Variants in RIN3 observed in about 807,000 individuals in gnomAD.
RIN3 encodes the protein RAB5 interacting protein 3.
RIN3 carries 54 observed loss-of-function variants against 76.3 expected under a neutral mutation model. That is an observed-to-expected ratio of 0.71 (90% CI 0.57 to 0.89). The LOEUF (loss-of-function observed/expected upper bound fraction) is 0.89. Ranked by LOEUF, RIN3 falls within the 40% of genes least tolerant of loss-of-function variation. RIN3 has a pLI of 0.00. For synonymous variants in RIN3, 576 were observed against 564.0 expected (o/e 1.02, Z -0.30); for missense variants, 1,256 against 1,322.1 (o/e 0.95, Z 0.78).
At position 92,676,608 on chromosome 14, in the gene RIN3, TGAGTCACCACCCCCTGCCCATCAG is replaced by T; in HGVS notation, c.2467+4_2467+27del. ...ACCCCGCCCTGCAGCTGGGGGAGGGTGAGTCACCACCCCCTGCCCATCAGGTGCATTGCACACCCCCAACTCAGC... is the reference window on the plus strand; with the variant it reads ...ACCCCGCCCTGCAGCTGGGGGAGGGTGTGCATTGCACACCCCCAACTCAGC... On this transcript the variant is annotated splice_donor_5th_base_variant and intron_variant, in intron 8 of 9. Transcript: ENST00000216487. 1 of 1,611,946 alleles carries T rather than the reference TGAGTCACCACCCCCTGCCCATCAG, an allele frequency of 6.2e-7. No homozygotes were observed. Among genetic ancestry groups the T allele is most frequent in the East Asian group, 2.2e-5 (1 of 44,798 alleles).
At chr14:92,664,416 G>A (rs1168856154) in intron 7 of RIN3, among the ~76,000 whole-genome samples, 4 of 127,438 alleles carry the variant, frequency 3.1e-5, no homozygotes, top group African/African-American at 1.2e-4. Context: ...CGCCCAGGCT[G>A]GAGTGCAGTG....
At chr14:92,621,235 C>CAAAAAAAAAA (rs572318532) in intron 4 of RIN3, among the ~76,000 whole-genome samples, 5,600 of 70,518 alleles carry the variant, frequency 0.079, 1,033 homozygotes, top group Non-Finnish European at 0.098. Context: ...GACTCCGTCT[C>CAAAAAAAAAA]AAAAAAAAAA....
chr14:92,520,627 A>G (rs945633200), intron 1 of RIN3, among the ~76,000 whole-genome samples: 2 of 152,166 alleles, frequency 1.3e-5, no homozygotes, highest in Non-Finnish European at 2.9e-5. Flanking sequence ...GACAGAGGGC[A>G]CCCCAACAGT....
intron 1 of RIN3, among the ~76,000 whole-genome samples, chr14:92,552,202 C>G (rs1468140810): frequency 6.6e-6 from 1 of 152,236 alleles, no homozygotes; most frequent in Admixed American, 6.5e-5. Context: ...GATCACAAGA[C>G]AGTGAGATGT....
chr14:92,528,598 G>C (rs1361193816), intron 1 of RIN3, among the ~76,000 whole-genome samples: 1 of 152,224 alleles, frequency 6.6e-6, no homozygotes, highest in Non-Finnish European at 1.5e-5. Context: ...TGGACGGCAT[G>C]ATCATCTGGG....
intron 7 of RIN3, among the ~76,000 whole-genome samples, chr14:92,662,202 T>G (rs923835551): frequency 6.6e-6 from 1 of 152,176 alleles, no homozygotes; most frequent in African/African-American, 2.4e-5. Flanking sequence ...TCTCAAGCCT[T>G]CTCAGAGAGA....
chr14:92,544,022 C>G (rs1269765325), intron 1 of RIN3, among the ~76,000 whole-genome samples: 6 of 152,108 alleles, frequency 3.9e-5, no homozygotes, highest in Non-Finnish European at 8.8e-5. Flanking sequence ...CCTCCCCACC[C>G]CCCCATCTCA....
At chr14:92,528,239 C>G (rs1044695063) in intron 1 of RIN3, among the ~76,000 whole-genome samples, 5 of 151,928 alleles carry the variant, frequency 3.3e-5, no homozygotes, top group Admixed American at 6.5e-5. Context: ...CCTTTATTCC[C>G]TCCCACCGCC....
intron 6 of RIN3, among the ~76,000 whole-genome samples, 185 bp downstream of exon 6, chr14:92,653,260 C>A (rs537299746): frequency 1.3e-5 from 2 of 152,306 alleles, no homozygotes; most frequent in Non-Finnish European, 2.9e-5. Context: ...CCGGCTCCCC[C>A]CCTTCCCTAG....
chr14:92,619,910 A>G (rs1312197304), intron 4 of RIN3, among the ~76,000 whole-genome samples: 3 of 152,270 alleles, frequency 2.0e-5, no homozygotes, highest in Non-Finnish European at 4.4e-5. Flanking sequence ...GAAGCAACTT[A>G]TGACCTTCAA....
chr14:92,604,909 C>CTTTTTTTTT (rs148326639), intron 3 of RIN3, among the ~76,000 whole-genome samples: 13 of 90,072 alleles, frequency 1.4e-4, no homozygotes, highest in East Asian at 3.4e-4. Flanking sequence ...CCATTTTCCT[C>CTTTTTTTTT]TTTTTTTTTT....
chr14:92,630,389 G>A (rs1886532654), intron 4 of RIN3, among the ~76,000 whole-genome samples: 1 of 152,182 alleles, frequency 6.6e-6, no homozygotes, highest in Admixed American at 6.5e-5. Flanking sequence ...CTACTCAGGA[G>A]GCTGAGGCAG....
chr14:92,586,793 G>A lies in RIN3; in HGVS notation c.367+9316G>A, dbSNP rs144304309. ...GCATACATAACCAGAAATACAAGTC[G>A]TTCGAACTGTCCTAAATGTTAGAAT... On this transcript the variant is annotated intron_variant, in intron 3 of 9. Transcript: ENST00000216487. Among the ~76,000 whole-genome samples, 680 of 152,272 alleles carry A rather than the reference G, an allele frequency of 4.5e-3. 3 individuals carry two copies. Among genetic ancestry groups the A allele is most frequent in the African/African-American group, 0.013 (527 of 41,568 alleles).
At chr14:92,594,074 C>G (rs1312131742) in intron 3 of RIN3, among the ~76,000 whole-genome samples, 1 of 152,108 alleles carries the variant, frequency 6.6e-6, no homozygotes, top group Non-Finnish European at 1.5e-5. Flanking sequence ...TGAAGCCCAC[C>G]TGGAACATTC....
At chr14:92,684,184 A>C (rs1190095638) in intron 8 of RIN3, among the ~76,000 whole-genome samples, 3 of 152,188 alleles carry the variant, frequency 2.0e-5, no homozygotes, top group Non-Finnish European at 2.9e-5. Context: ...ATTCAAGACC[A>C]GCATGGCCAG....
chr14:92,619,688 A>T (rs1011456215), intron 4 of RIN3, among the ~76,000 whole-genome samples: 6 of 152,092 alleles, frequency 3.9e-5, no homozygotes, highest in Admixed American at 3.9e-4. Flanking sequence ...CGGCCTGCCA[A>T]AGTGCTGGAT....
At chr14:92,534,786 C>A (rs1314194417) in intron 1 of RIN3, among the ~76,000 whole-genome samples, 1 of 152,066 alleles carries the variant, frequency 6.6e-6, no homozygotes, top group African/African-American at 2.4e-5. Flanking sequence ...GAGGCTCTGA[C>A]AAGCACATTG....
chr14:92,527,490 AT>A (rs1896770455), intron 1 of RIN3, among the ~76,000 whole-genome samples: 1 of 152,168 alleles, frequency 6.6e-6, no homozygotes, highest in Non-Finnish European at 1.5e-5. Context: ...ATAGGACTAC[AT>A]CTTTTGGGGG....
At chr14:92,635,157 C>T (rs1205375198) in intron 4 of RIN3, among the ~76,000 whole-genome samples, 2 of 152,168 alleles carry the variant, frequency 1.3e-5, no homozygotes, top group South Asian at 2.1e-4. Context: ...ATGAATAAGC[C>T]GTGCATGGCA....
Sources: allele counts gnomAD v4.1 joint callset (sites outside exome capture counted in the v4.1 genomes callset), GRCh38; gene constraint gnomAD v4.1.1; transcripts MANE v1.5; gene names NCBI Gene and HGNC (gene_info 2026-07-23, HGNC 2026-07-21).